Variants in MAP3K14 observed in about 807,000 individuals in gnomAD.
The protein encoded by MAP3K14 is mitogen-activated protein kinase kinase kinase 14, also known as NF-kappa-beta-inducing kinase.
MAP3K14 carries 16 observed loss-of-function variants against 99.2 expected under a neutral mutation model. That is an observed-to-expected ratio of 0.16 (90% confidence interval 0.11 to 0.24). The LOEUF is 0.24. MAP3K14 is among the 10% of genes least tolerant of loss of function. The pLI is 1.00. For synonymous variants in MAP3K14, 462 were observed against 492.4 expected, an observed-to-expected ratio of 0.94 and a Z score of 0.82; for missense variants, 784 against 1,208.7, an observed-to-expected ratio of 0.65 and a Z score of 5.21.
At chr17:45,287,888 G>A (rs1327923108) in intron 3 of MAP3K14, among the ~76,000 whole-genome samples, 1 of 152,222 alleles carries the variant, frequency 6.6e-6, no homozygotes, top group African/African-American at 2.4e-5. Flanking sequence ...GTTCCTGGGG[G>A]TCCCTGGCTG....
At chr17:45,289,415 T>G in intron 2 of MAP3K14, 110 bp from the exon 3 acceptor site, 1 of 805,200 alleles carries the variant, frequency 1.2e-6, no homozygotes, top group Non-Finnish European at 2.1e-6. Flanking sequence ...TCCCCTCCTT[T>G]CCAGACAACC....
rs145637217 is a variant in MAP3K14 at position 45,300,452 on chromosome 17, C to T, written c.-20-9687G>A. 7.9e-5 allele frequency among the ~76,000 whole-genome samples: 12 copies of T among 152,310 alleles called. 1 individual carries two copies. The East Asian group carries it at 2.3e-3, about 29-fold the overall frequency. ...GCTCTGTGGTCCATAATCTTTTTGG[C>T]CATTGTTTCCCCAAACATAGGGTTT... On this transcript the variant is annotated intron_variant, in intron 1 of 15. Coordinates refer to ENST00000344686, the MANE Select transcript of MAP3K14 (RefSeq NM_003954.5).
chr17:45,280,299 C>CTTTTT lies in MAP3K14; in HGVS notation c.1290+4508_1290+4512dup, dbSNP rs751994880. On this transcript the variant is annotated intron_variant, in intron 6 of 15. Coordinates refer to ENST00000344686, the MANE Select transcript of MAP3K14 (RefSeq NM_003954.5). ...TGCCCATACATGCAACACAGAAACA[C>CTTTTT]TTTTTTTTTTTTTTTTTTTTTTGAG... is the stretch of plus-strand genomic sequence containing the variant. 3.7e-4 allele frequency among the ~76,000 whole-genome samples: 45 copies of CTTTTT among 122,332 alleles called. 1 individual carries two copies. Among genetic ancestry groups the CTTTTT allele is most frequent in the African/African-American group, 9.2e-4 (28 of 30,308 alleles). 80.3% of individuals were successfully genotyped at this position (122,332 alleles called of 152,430 possible). A position where few individuals can be genotyped will look rare whatever the true frequency, so the allele number is the denominator to read the frequency against.
intron 1 of MAP3K14, among the ~76,000 whole-genome samples, chr17:45,309,871 A>C (rs1442148008): frequency 1.3e-5 from 2 of 152,142 alleles, no homozygotes; most frequent in Admixed American, 1.3e-4. Flanking sequence ...TATCTAATAC[A>C]TGCTAGAGGG....
chr17:45,265,650 C>T (rs1317889547), intron 14 of MAP3K14, among the ~76,000 whole-genome samples: 1 of 152,184 alleles, frequency 6.6e-6, no homozygotes, highest in Non-Finnish European at 1.5e-5. Context: ...GTTGGCCAGG[C>T]TGGTCTCGAA....
chr17:45,311,757 T>C (rs1001057574), intron 1 of MAP3K14, among the ~76,000 whole-genome samples: 2 of 152,170 alleles, frequency 1.3e-5, no homozygotes, highest in Non-Finnish European at 2.9e-5. Context: ...AGGAGGCAGG[T>C]GGAAAAGCGT....
intron 6 of MAP3K14, among the ~76,000 whole-genome samples, chr17:45,284,484 C>T (rs537581572): frequency 5.9e-5 from 9 of 152,344 alleles, no homozygotes; most frequent in African/African-American, 2.2e-4. Context: ...AGGGGTTTTA[C>T]CTCAGTGTGA....
At chr17:45,268,909 G>T (rs918252345) in intron 11 of MAP3K14, among the ~76,000 whole-genome samples, 2 of 152,158 alleles carry the variant, frequency 1.3e-5, no homozygotes, top group African/African-American at 4.8e-5. Flanking sequence ...CCCAGAGTGG[G>T]TAGCCTTGTC....
chr17:45,303,136 C>T (rs2044403196), intron 1 of MAP3K14, among the ~76,000 whole-genome samples: 1 of 152,260 alleles, frequency 6.6e-6, no homozygotes, highest in South Asian at 2.1e-4. Context: ...AAAAACCAGC[C>T]CTTCCTCCAC....
At chr17:45,309,913 T>A (rs1439294014) in intron 1 of MAP3K14, among the ~76,000 whole-genome samples, 1 of 151,998 alleles carries the variant, frequency 6.6e-6, no homozygotes, top group African/African-American at 2.4e-5. Context: ...TTCACATTGA[T>A]CTATACAAAG....
intron 1 of MAP3K14, among the ~76,000 whole-genome samples, chr17:45,308,671 CT>C (rs904247220): frequency 0.018 from 2,532 of 138,282 alleles, 49 homozygotes; most frequent in African/African-American, 0.054. Context: ...CCCAGCTAAT[CT>C]TTTTTTTTTT....
At chr17:45,275,053 G>A (rs1239934594) in intron 6 of MAP3K14, among the ~76,000 whole-genome samples, 1 of 151,168 alleles carries the variant, frequency 6.6e-6, no homozygotes, top group Non-Finnish European at 1.5e-5. Flanking sequence ...GCAGGAGAAT[G>A]GCGTGAACCC....
At chr17:45,281,637 CTTCT>C (rs1360159293) in intron 6 of MAP3K14, 3 of 127,628 alleles carry the variant, frequency 2.4e-5, no homozygotes, top group East Asian at 2.4e-4. Context: ...CCTGATCTTA[CTTCT>C]TTTTTTTTTT....
chr17:45,266,915 C>T (rs1227875734), intron 13 of MAP3K14, among the ~76,000 whole-genome samples, 177 bp downstream of exon 13: 1 of 152,204 alleles, frequency 6.6e-6, no homozygotes, highest in Non-Finnish European at 1.5e-5. Context: ...CCATGACCAC[C>T]TCCCCCAACC....
intron 8 of MAP3K14, 57 bp from the exon 9 acceptor site, chr17:45,273,664 C>A: frequency 7.2e-7 from 1 of 1,394,276 alleles, no homozygotes; most frequent in South Asian, 1.2e-5. Flanking sequence ...GGTCCCAGCC[C>A]ACCCTGGCTC....
chr17:45,267,870 G>A lies in MAP3K14; in HGVS notation c.1973-111C>T. The A allele has an allele frequency of 1.1e-6, 1 of 904,758 alleles. No individual in the cohort carries two copies. The highest frequency in any genetic ancestry group is 2.4e-5 in the Admixed American group (1 of 41,776). 56.0% of individuals were successfully genotyped at this position (904,758 alleles called of 1,614,324 possible). Reference sequence around the variant, plus strand: ...AAGGGCTAGAGGCAAACAAAGGGGAGGACACTGCCCCGGGCCACCATGGGA... The same window carrying A: ...AAGGGCTAGAGGCAAACAAAGGGGAAGACACTGCCCCGGGCCACCATGGGA... On this transcript the variant is annotated intron_variant, in intron 11 of 15. Coordinates refer to ENST00000344686, the MANE Select transcript of MAP3K14 (RefSeq NM_003954.5). The surrounding 1 kb of genome is among the most constrained non-coding windows in gnomAD (Gnocchi z 5.1).
chr17:45,288,687 G>A (rs2044287460), intron 3 of MAP3K14, among the ~76,000 whole-genome samples: 1 of 152,066 alleles, frequency 6.6e-6, no homozygotes, highest in Admixed American at 6.6e-5. Context: ...TTGAACTCTT[G>A]TTTCAAAAAA....
chr17:45,269,095 C>T (rs1448946864), intron 11 of MAP3K14, among the ~76,000 whole-genome samples: 1 of 152,174 alleles, frequency 6.6e-6, no homozygotes, highest in Non-Finnish European at 1.5e-5. Flanking sequence ...TGGCTCACTG[C>T]AGCCTCGACC....
rs768111703 is a variant in MAP3K14, at chr17:45,264,699, G to A, written c.2781C>T (p.Ala927=). 1 of 1,608,018 alleles carries A rather than the reference G, an allele frequency of 6.2e-7. No individual in the cohort carries two copies. Among genetic ancestry groups the A allele is most frequent in the East Asian group, 2.2e-5 (1 of 44,616 alleles). Residue 927 remains alanine, a synonymous_variant, in exon 16 of 16, where the codon GCC becomes GCT. Transcript: ENST00000344686. ...AGCTCCAGGCGAAGCTGCCATCAGGGGCCAGTGTGCACTGCAGGTCGATGC... is the reference window on the plus strand; with the variant it reads ...AGCTCCAGGCGAAGCTGCCATCAGGAGCCAGTGTGCACTGCAGGTCGATGC... ...DSGIDLQCTL[A]PDGSFAWSWR...
Sources: gnomAD v4.1 joint callset for allele counts (sites outside exome capture counted in the v4.1 genomes callset) on GRCh38, gnomAD v4.1.1 for gene constraint, Gnocchi (gnomAD v3.1) non-coding constraint, MANE v1.5 for transcripts, NCBI Gene and HGNC (gene_info 2026-07-23, HGNC 2026-07-21) for gene names.